GALK2: variants seen among roughly 807,000 people sequenced by gnomAD.
GALK2 encodes the protein N-acetylgalactosamine kinase.
Under a neutral mutation model 52.4 loss-of-function variants are expected in GALK2, and 36 were observed. The ratio of observed to expected loss-of-function variants is 0.69; its 90% CI spans 0.53 to 0.91. The LOEUF (loss-of-function observed/expected upper bound fraction) is 0.91, where lower values mean the gene tolerates loss of function less well. GALK2 is among the 40% of genes least tolerant of loss of function. The pLI is 0.00. For missense variants in GALK2, 579 were observed against 559.1 expected (o/e 1.04, Z -0.36); for synonymous variants, 176 against 199.1 (o/e 0.88, Z 0.98).
intron 5 of GALK2, among the ~76,000 whole-genome samples, chr15:49,261,552 C>T (rs1035435553): frequency 6.6e-6 from 1 of 152,036 alleles, no homozygotes; most frequent in Non-Finnish European, 1.5e-5. Context: ...GATTGAATAC[C>T]CTTTATTTCC....
At chr15:49,259,067 T>C (rs913402300) in intron 5 of GALK2, among the ~76,000 whole-genome samples, 1 of 151,750 alleles carries the variant, frequency 6.6e-6, no homozygotes, top group African/African-American at 2.4e-5. Flanking sequence ...ATGAGTAGGT[T>C]GTGAAAATTT....
rs569561015 is a variant in GALK2, at chr15:49,323,706, T to C, written c.1169+3901T>C. Among the ~76,000 whole-genome samples the C allele has an allele frequency of 8.5e-5, 13 of 152,274 alleles. No individual in the cohort carries two copies. The South Asian group carries it at 2.7e-3, about 32-fold the overall frequency. The stretch of plus-strand genomic sequence containing the variant: ...TAGGACAATGTATAGAACAACTTTG[T>C]GACCCAAGTGGAGAGAAGGGGGGTT... On this transcript the variant is annotated intron_variant, in intron 9 of 9. Coordinates refer to ENST00000560031, the MANE Select transcript of GALK2 (RefSeq NM_002044.4).
chr15:49,156,261 A>T, intron 1 of GALK2: 2 of 517,214 alleles, frequency 3.9e-6, no homozygotes, highest in Non-Finnish European at 7.0e-6. Flanking sequence ...GACCAAATTA[A>T]GGTAACAACG....
At chr15:49,335,349 A>T, downstream of GALK2, 1 of 1,006,492 alleles carries the variant, frequency 9.9e-7, no homozygotes, top group Non-Finnish European at 1.5e-6. Flanking sequence ...AGTTTAGATG[A>T]TTTCTCTGAT....
intron 1 of GALK2, among the ~76,000 whole-genome samples, chr15:49,187,507 T>C (rs2086443003): frequency 6.6e-6 from 1 of 152,182 alleles, no homozygotes; most frequent in South Asian, 2.1e-4. Context: ...GCTTTCTCTT[T>C]AGGGTGATGA....
chr15:49,211,992 C>G (rs1322540398), intron 2 of GALK2, among the ~76,000 whole-genome samples: 1 of 152,114 alleles, frequency 6.6e-6, no homozygotes, highest in Non-Finnish European at 1.5e-5. Context: ...TATATAGTTG[C>G]TCATAATAGT....
intron 8 of GALK2, among the ~76,000 whole-genome samples, chr15:49,299,637 C>G (rs752686569): frequency 1.3e-5 from 2 of 151,948 alleles, no homozygotes; most frequent in Admixed American, 6.6e-5. Flanking sequence ...CCTTCTTTAC[C>G]TAAAAGTTAT....
chr15:49,192,416 A>G (rs2086790383), intron 1 of GALK2, among the ~76,000 whole-genome samples: 1 of 148,384 alleles, frequency 6.7e-6, no homozygotes, highest in Non-Finnish European at 1.5e-5. Flanking sequence ...TCTCCTATGT[A>G]AGAGTGTTTA....
intron 8 of GALK2, among the ~76,000 whole-genome samples, chr15:49,298,248 G>A (rs1442857885): frequency 6.6e-6 from 1 of 152,082 alleles, no homozygotes; most frequent in Non-Finnish European, 1.5e-5. Flanking sequence ...AAATACTACT[G>A]ATTTTTGTAC....
chr15:49,327,221 A>T (rs1490311860), intron 9 of GALK2: 1 of 152,222 alleles, frequency 6.6e-6, no homozygotes, highest in South Asian at 2.1e-4. Flanking sequence ...AATCAGATAT[A>T]TCTCATCTGA....
At chr15:49,170,157 G>A (rs2084965442), upstream of GALK2, 3 of 1,447,464 alleles carry the variant, frequency 2.1e-6, no homozygotes, top group South Asian at 4.2e-5. Context: ...AGCCAGAGGA[G>A]GGGCCGATTG....
chr15:49,246,218 G>T (rs1192226438), intron 5 of GALK2, among the ~76,000 whole-genome samples: 2 of 152,170 alleles, frequency 1.3e-5, no homozygotes, highest in African/African-American at 4.8e-5. Context: ...TCTTGGAGTT[G>T]TCCTTGGAGG....
intron 5 of GALK2, among the ~76,000 whole-genome samples, chr15:49,262,712 A>G (rs921260861): frequency 6.8e-6 from 1 of 146,360 alleles, no homozygotes; most frequent in African/African-American, 2.6e-5. Context: ...ATTTAGTGCT[A>G]TAAATTTCCC....
upstream of GALK2, among the ~76,000 whole-genome samples, chr15:49,169,861 T>C (rs942804670): frequency 6.6e-6 from 1 of 151,834 alleles, no homozygotes; most frequent in Non-Finnish European, 1.5e-5. Flanking sequence ...GTTTGGGGAG[T>C]AGCTGCTGAA....
chr15:49,172,347 A>G lies in GALK2; in HGVS notation c.53+1972A>G, dbSNP rs550295892. On this transcript the variant is annotated intron_variant, in intron 1 of 9. Coordinates refer to ENST00000560031, the MANE Select transcript of GALK2 (RefSeq NM_002044.4). Reference sequence around the variant, plus strand: ...CTGTGTTATCCACAGAAGAGATCATAGTAGATAAGCTCTGCCGTTTTCTTG... The same window carrying G: ...CTGTGTTATCCACAGAAGAGATCATGGTAGATAAGCTCTGCCGTTTTCTTG... Among the ~76,000 whole-genome samples the G allele has an allele frequency of 2.0e-5, 3 of 152,356 alleles. No homozygotes were observed. The East Asian group carries it at 5.8e-4, about 29-fold the overall frequency.
chr15:49,367,392 T>G, intron 3 of GALK2: 1 of 1,410,466 alleles, frequency 7.1e-7, no homozygotes, highest in Non-Finnish European at 9.5e-7. Context: ...CAGTGAAATG[T>G]TTTGAATATT....
chr15:49,171,427 T>C (rs1032981988), intron 1 of GALK2, among the ~76,000 whole-genome samples: 6 of 152,178 alleles, frequency 3.9e-5, no homozygotes, highest in Admixed American at 6.5e-5. Context: ...TTTTTTTCTC[T>C]GGCATCAAGT....
At chr15:49,292,687 T>C in intron 8 of GALK2, 150 bp downstream of exon 8, 4 of 660,250 alleles carry the variant, frequency 6.1e-6, no homozygotes, top group Non-Finnish European at 1.0e-5. Flanking sequence ...GCTTCATAAA[T>C]GTATTCATTC....
At chr15:49,226,125 T>G (rs1295893313) in intron 3 of GALK2, among the ~76,000 whole-genome samples, 1 of 152,134 alleles carries the variant, frequency 6.6e-6, no homozygotes, top group African/African-American at 2.4e-5. Context: ...GTATTCTGCT[T>G]GCGGCTGTCA....
Sources: allele counts gnomAD v4.1 joint callset (sites outside exome capture counted in the v4.1 genomes callset), GRCh38; gene constraint gnomAD v4.1.1; transcripts MANE v1.5; gene names NCBI Gene and HGNC (gene_info 2026-07-23, HGNC 2026-07-21).